Variants in CDH13 observed in about 807,000 individuals in gnomAD.
CDH13 encodes the protein cadherin-13.
A neutral mutation model predicts 63.8 loss-of-function variants in CDH13; 24 were observed. The observed-to-expected ratio is 0.38, with a 90% CI of 0.27 to 0.53. CDH13 has a LOEUF of 0.53. Among genes scored for constraint, CDH13 ranks in the 20% least tolerant of loss-of-function variants. The pLI is 0.85. For synonymous variants in CDH13, 503 were observed against 355.3 expected, an observed-to-expected ratio of 1.42 and a Z score of -4.67; for missense variants, 1,049 against 903.1, an observed-to-expected ratio of 1.16 and a Z score of -2.07.
At chr16:83,609,794 T>G (rs1172774370) in intron 8 of CDH13, among the ~76,000 whole-genome samples, 3 of 152,142 alleles carry the variant, frequency 2.0e-5, no homozygotes, top group Non-Finnish European at 4.4e-5. Flanking sequence ...ATTCACAGAG[T>G]TGTCGAATTA....
At chr16:82,694,589 C>G (rs2030030343) in intron 1 of CDH13, among the ~76,000 whole-genome samples, 1 of 152,168 alleles carries the variant, frequency 6.6e-6, no homozygotes, top group South Asian at 2.1e-4. Context: ...CAATCATCTT[C>G]TAAAACCTCT....
At chr16:82,665,782 T>C (rs1449428903) in intron 1 of CDH13, among the ~76,000 whole-genome samples, 4 of 152,084 alleles carry the variant, frequency 2.6e-5, no homozygotes, top group African/African-American at 4.8e-5. Context: ...AGCAATAGTT[T>C]AGCCTAACCT....
chr16:83,681,471 T>C (rs1319988360), intron 10 of CDH13, among the ~76,000 whole-genome samples: 2 of 152,138 alleles, frequency 1.3e-5, no homozygotes, highest in African/African-American at 2.4e-5. Flanking sequence ...TCCTCAGGCA[T>C]ATTCCTTCCT....
chr16:83,324,568 T>G (rs4782767), intron 5 of CDH13, among the ~76,000 whole-genome samples: 1 of 152,246 alleles, frequency 6.6e-6, no homozygotes, highest in Admixed American at 6.5e-5. Context: ...CATGTTGTAG[T>G]TGATGTCAGA....
intron 1 of CDH13, among the ~76,000 whole-genome samples, chr16:82,758,527 A>T (rs375239560): frequency 4.0e-4 from 60 of 151,724 alleles, no homozygotes; most frequent in African/African-American, 1.5e-3. Flanking sequence ...GGAGAAGCTG[A>T]TTGAGCGGAG....
At chr16:82,874,479 C>G (rs2040440465) in intron 2 of CDH13, among the ~76,000 whole-genome samples, 1 of 151,880 alleles carries the variant, frequency 6.6e-6, no homozygotes, top group Admixed American at 6.6e-5. Flanking sequence ...GCTGCACCAG[C>G]TTTTTTCTTT....
At chr16:82,813,558 A>T (rs1356595013) in intron 1 of CDH13, among the ~76,000 whole-genome samples, 1 of 152,102 alleles carries the variant, frequency 6.6e-6, no homozygotes, top group African/African-American at 2.4e-5. Flanking sequence ...GGTTAAGATA[A>T]AAGGCTTCAA....
chr16:83,386,859 T>A (rs907924122), intron 6 of CDH13, among the ~76,000 whole-genome samples: 2 of 152,220 alleles, frequency 1.3e-5, no homozygotes. Context: ...TCTGCTCTAG[T>A]CATCACTTCT....
rs577612377 is a variant in CDH13, at chr16:83,234,148, A to G, written c.636+16651A>G. ...CCCTAGATTCTTGCTCTGAAAGCTC[A>G]TAGGCAGTGTGTGGCAACACTGGTG... On this transcript the variant is annotated intron_variant, in intron 5 of 13. Transcript: ENST00000567109. Among the ~76,000 whole-genome samples the G allele has an allele frequency of 5.3e-5, 8 of 152,344 alleles. No individual in the cohort carries two copies. In the South Asian group the frequency reaches 1.7e-3, roughly 32 times the overall value.
At chr16:82,836,524 G>A (rs775740481) in intron 1 of CDH13, among the ~76,000 whole-genome samples, 8 of 152,118 alleles carry the variant, frequency 5.3e-5, no homozygotes, top group Admixed American at 4.6e-4. Context: ...CAAAGTGGGT[G>A]TATGTATCCC....
At chr16:83,674,601 G>C (rs186575799) in intron 9 of CDH13, among the ~76,000 whole-genome samples, 13 of 152,334 alleles carry the variant, frequency 8.5e-5, no homozygotes, top group African/African-American at 3.1e-4. Flanking sequence ...ATTGCTGTTG[G>C]GCAGTCAAGC....
At chr16:82,724,214 G>C (rs748901077) in intron 1 of CDH13, among the ~76,000 whole-genome samples, 9 of 152,036 alleles carry the variant, frequency 5.9e-5, no homozygotes, top group Non-Finnish European at 1.2e-4. Context: ...CTTCTAATTA[G>C]TTAGAATTTC....
At chr16:83,609,438 C>A (rs977815071) in intron 8 of CDH13, among the ~76,000 whole-genome samples, 6 of 152,180 alleles carry the variant, frequency 3.9e-5, no homozygotes, top group African/African-American at 1.4e-4. Context: ...TCGTATGAGG[C>A]ATATTATGAG....
At chr16:83,428,262 ACAG>A (rs1170297995) in intron 6 of CDH13, among the ~76,000 whole-genome samples, 2 of 152,184 alleles carry the variant, frequency 1.3e-5, no homozygotes, top group African/African-American at 2.4e-5. Context: ...CACAGGAAAA[ACAG>A]CAGGCAGCAA....
intron 2 of CDH13, among the ~76,000 whole-genome samples, chr16:82,966,351 G>C (rs190373111): frequency 8.6e-5 from 13 of 151,976 alleles, no homozygotes; most frequent in Admixed American, 8.5e-4. Context: ...GGGTTTCACT[G>C]TTGGCTAGGA....
intron 6 of CDH13, among the ~76,000 whole-genome samples, chr16:83,432,601 T>C (rs1424819870): frequency 6.6e-6 from 1 of 152,026 alleles, no homozygotes; most frequent in East Asian, 1.9e-4. Flanking sequence ...TTGAGAAGAG[T>C]GCTGGCCTGG....
chr16:83,069,081 A>T (rs1283625214), intron 3 of CDH13, among the ~76,000 whole-genome samples: 1 of 152,224 alleles, frequency 6.6e-6, no homozygotes, highest in Non-Finnish European at 1.5e-5. Context: ...TCCCAAAGGC[A>T]TGTCTTTCAC....
intron 2 of CDH13, among the ~76,000 whole-genome samples, chr16:83,018,069 T>C (rs1464972956): frequency 3.9e-5 from 6 of 152,356 alleles, no homozygotes; most frequent in Admixed American, 3.9e-4. Context: ...AGAAATATGA[T>C]GGGCCAGTGA....
chr16:83,721,380 G>A (rs1038780711), intron 10 of CDH13: 2 of 152,216 alleles, frequency 1.3e-5, no homozygotes, highest in East Asian at 1.9e-4. Context: ...GATCTTTGAA[G>A]CAATTAAATG....
Sources: gnomAD v4.1 joint callset for allele counts (sites outside exome capture counted in the v4.1 genomes callset) on GRCh38, gnomAD v4.1.1 for gene constraint, MANE v1.5 for transcripts, NCBI Gene and HGNC (gene_info 2026-07-23, HGNC 2026-07-21) for gene names.